INPP4B: variants seen among roughly 807,000 people sequenced by gnomAD.
INPP4B encodes inositol polyphosphate 4-phosphatase type II.
INPP4B carries 55 observed loss-of-function variants against 122.5 expected under a neutral mutation model. That is an observed-to-expected ratio of 0.45 (90% CI 0.36 to 0.56). The LOEUF is 0.56. Ranked by LOEUF, INPP4B falls within the 20% of genes least tolerant of loss-of-function variation. The pLI is 0.00. For missense variants in INPP4B, 1,000 were observed against 1,097.7 expected (o/e 0.91, Z 1.26); for synonymous variants, 403 against 388.7 (o/e 1.04, Z -0.43).
At chr4:142,167,579 T>A (rs1823425492) in intron 16 of INPP4B, among the ~76,000 whole-genome samples, 1 of 151,690 alleles carries the variant, frequency 6.6e-6, no homozygotes, top group Admixed American at 6.6e-5. Flanking sequence ...GATATTGTTT[T>A]CCTAATGAAT....
chr4:142,130,595 T>C (rs1800781719), intron 18 of INPP4B, among the ~76,000 whole-genome samples: 1 of 152,174 alleles, frequency 6.6e-6, no homozygotes, highest in Admixed American at 6.5e-5. Flanking sequence ...ATATTAACCC[T>C]GAGAGGAAGG....
intron 2 of INPP4B, among the ~76,000 whole-genome samples, chr4:142,466,644 G>A (rs987428554): frequency 1.3e-5 from 2 of 152,186 alleles, no homozygotes; most frequent in South Asian, 4.1e-4. Context: ...ACTTGCTAGA[G>A]AGATTGGCAT....
At chr4:142,429,097 A>G in intron 5 of INPP4B, 76 bp downstream of exon 5, 1 of 743,598 alleles carries the variant, frequency 1.3e-6, no homozygotes, top group Non-Finnish European at 2.3e-6. Context: ...TACTGATGTA[A>G]GCAATCTACC....
At chr4:142,256,364 C>A (rs1338142053) in intron 11 of INPP4B, among the ~76,000 whole-genome samples, 2 of 151,576 alleles carry the variant, frequency 1.3e-5, no homozygotes, top group Non-Finnish European at 2.9e-5. Context: ...CAGAGCAGAA[C>A]TGAAGGAAAT....
chr4:142,529,280 A>G (rs1315915355), intron 2 of INPP4B, among the ~76,000 whole-genome samples: 1 of 152,136 alleles, frequency 6.6e-6, no homozygotes, highest in Non-Finnish European at 1.5e-5. Flanking sequence ...ATTCTTGTGT[A>G]GTATCAAAGG....
intron 1 of INPP4B, among the ~76,000 whole-genome samples, chr4:142,831,863 T>C (rs1782179281): frequency 1.3e-5 from 2 of 152,196 alleles, no homozygotes; most frequent in Non-Finnish European, 2.9e-5. Context: ...GGTGTACTTA[T>C]TTTTTTCCTA....
intron 2 of INPP4B, among the ~76,000 whole-genome samples, chr4:142,689,794 G>A (rs1047643410): frequency 4.6e-5 from 7 of 151,984 alleles, no homozygotes; most frequent in Admixed American, 2.0e-4. Context: ...AAATTCTGCC[G>A]TACATAAATA....
intron 7 of INPP4B, among the ~76,000 whole-genome samples, chr4:142,345,364 A>T (rs1779970387): frequency 6.6e-6 from 1 of 151,992 alleles, no homozygotes; most frequent in African/African-American, 2.4e-5. Context: ...TTGTTCCCTA[A>T]TTTAAAATTA....
At chr4:142,607,812 T>A (rs1414903777) in intron 2 of INPP4B, among the ~76,000 whole-genome samples, 2 of 152,100 alleles carry the variant, frequency 1.3e-5, no homozygotes, top group South Asian at 2.1e-4. Flanking sequence ...AGAGTTGAAG[T>A]CATAAAGCCT....
rs141294298 is a variant in INPP4B at position 142,197,987 on chromosome 4, G to A, written c.1073-4792C>T. Among the ~76,000 whole-genome samples, 122 of 152,164 alleles carry A rather than the reference G, an allele frequency of 8.0e-4. 1 individual carries two copies. Among genetic ancestry groups the A allele is most frequent in the African/African-American group, 1.9e-3 (78 of 41,546 alleles). ...ATTTTCCATTAGCTGCAGCAACAAT[G>A]AGCATATACTGGATGCTCAATAAAG... On this transcript the variant is annotated intron_variant, in intron 14 of 25. Transcript: ENST00000262992.
At chr4:142,694,401 A>G (rs1261229987) in intron 2 of INPP4B, among the ~76,000 whole-genome samples, 1 of 149,476 alleles carries the variant, frequency 6.7e-6, no homozygotes, top group Non-Finnish European at 1.5e-5. Context: ...GAAAAAAAGA[A>G]AAAAAAAACC....
chr4:142,440,440 A>G (rs1811443498), intron 3 of INPP4B, among the ~76,000 whole-genome samples: 1 of 152,230 alleles, frequency 6.6e-6, no homozygotes, highest in Non-Finnish European at 1.5e-5. Flanking sequence ...GATGTGGGAA[A>G]ATAAGAATAT....
chr4:142,505,164 AG>A (rs780034750), intron 2 of INPP4B, among the ~76,000 whole-genome samples: 1 of 151,592 alleles, frequency 6.6e-6, no homozygotes, highest in Non-Finnish European at 1.5e-5. Flanking sequence ...CCTTGAGCCC[AG>A]GAATTCGAGG....
intron 7 of INPP4B, among the ~76,000 whole-genome samples, chr4:142,337,301 G>A (rs1270439302): frequency 6.6e-6 from 1 of 151,960 alleles, no homozygotes; most frequent in Non-Finnish European, 1.5e-5. Flanking sequence ...TGGAGACCAT[G>A]TGTAAATCAC....
chr4:142,333,187 T>A (rs1171870468), intron 7 of INPP4B, among the ~76,000 whole-genome samples: 1 of 152,178 alleles, frequency 6.6e-6, no homozygotes, highest in Non-Finnish European at 1.5e-5. Flanking sequence ...TGGGGTCATA[T>A]GCTTTGTTCT....
chr4:142,711,341 C>T (rs1267959075), intron 2 of INPP4B, among the ~76,000 whole-genome samples: 1 of 152,088 alleles, frequency 6.6e-6, no homozygotes, highest in Non-Finnish European at 1.5e-5. Flanking sequence ...TTATAGAATA[C>T]TTTATACTTA....
chr4:142,756,093 T>G (rs1225449681), intron 1 of INPP4B, among the ~76,000 whole-genome samples: 1 of 152,004 alleles, frequency 6.6e-6, no homozygotes, highest in Non-Finnish European at 1.5e-5. Flanking sequence ...GTATATGATA[T>G]AGTGCAGGCG....
At chr4:142,060,646 A>T (rs1760158289) in intron 25 of INPP4B, among the ~76,000 whole-genome samples, 1 of 152,156 alleles carries the variant, frequency 6.6e-6, no homozygotes, top group South Asian at 2.1e-4. Context: ...TGATTTTAAG[A>T]CTTAATCCGT....
At chr4:142,224,832 C>A (rs1309292714) in intron 12 of INPP4B, among the ~76,000 whole-genome samples, 1 of 151,838 alleles carries the variant, frequency 6.6e-6, no homozygotes, top group African/African-American at 2.4e-5. Flanking sequence ...AGTATACATA[C>A]AACATTTGCA....
Sources: gnomAD v4.1 joint callset for allele counts (sites outside exome capture counted in the v4.1 genomes callset) on GRCh38, gnomAD v4.1.1 for gene constraint, MANE v1.5 for transcripts, NCBI Gene and HGNC (gene_info 2026-07-23, HGNC 2026-07-21) for gene names.